PCSK6: variants seen among roughly 807,000 people sequenced by gnomAD.
PCSK6 encodes proprotein convertase subtilisin/kexin type 6.
PCSK6 carries 85 observed loss-of-function variants against 123.3 expected under a neutral mutation model. That is an observed-to-expected ratio of 0.69 (90% CI 0.58 to 0.83). The LOEUF is 0.83. Ranked by LOEUF, PCSK6 falls within the 40% of genes least tolerant of loss-of-function variation. PCSK6 has a pLI of 0.00. For missense variants in PCSK6, 1,191 were observed against 1,282.3 expected, an observed-to-expected ratio of 0.93 and a Z score of 1.09; for synonymous variants, 508 against 516.0, an observed-to-expected ratio of 0.98 and a Z score of 0.21.
chr15:101,411,380 C>T (rs1314463069), intron 6 of PCSK6, among the ~76,000 whole-genome samples: 2 of 152,112 alleles, frequency 1.3e-5, no homozygotes, highest in East Asian at 1.9e-4. Flanking sequence ...AGCACCAGGA[C>T]GATGCCCTGG....
At chr15:101,383,488 C>T (rs1400868987) in intron 10 of PCSK6, among the ~76,000 whole-genome samples, 1 of 151,774 alleles carries the variant, frequency 6.6e-6, no homozygotes, top group Non-Finnish European at 1.5e-5. Flanking sequence ...CTTCAAAGGC[C>T]GCCAACAGCC....
At chr15:101,454,352 G>A (rs933164337) in intron 1 of PCSK6, among the ~76,000 whole-genome samples, 37 of 152,174 alleles carry the variant, frequency 2.4e-4, no homozygotes, top group Non-Finnish European at 1.0e-4. Context: ...TTCCACAAAA[G>A]CCAAGGGGTG....
intron 20 of PCSK6, among the ~76,000 whole-genome samples, chr15:101,311,406 C>T (rs71414398): frequency 0.2 from 29,561 of 151,154 alleles, 2,979 homozygotes; most frequent in African/African-American, 0.24. Flanking sequence ...GGATTACAGG[C>T]GTGAGCCACC....
At chr15:101,348,385 GTCA>G (rs1218917472) in intron 13 of PCSK6, among the ~76,000 whole-genome samples, 1 of 152,220 alleles carries the variant, frequency 6.6e-6, no homozygotes, top group Non-Finnish European at 1.5e-5. Context: ...GGAGTAAAAC[GTCA>G]TCAAAATACA....
intron 6 of PCSK6, among the ~76,000 whole-genome samples, chr15:101,419,743 G>A (rs2141083810): frequency 6.6e-6 from 1 of 151,732 alleles, no homozygotes. Context: ...GCTTATGAAG[G>A]AACTGACTAA....
intron 1 of PCSK6, among the ~76,000 whole-genome samples, chr15:101,476,315 A>G (rs2057729589): frequency 6.6e-6 from 1 of 152,218 alleles, no homozygotes; most frequent in Non-Finnish European, 1.5e-5. Context: ...GTGCAGAGTC[A>G]TGAATAAGGA....
chr15:101,489,476 CG>C lies in PCSK6; in HGVS notation c.194del (p.Pro65ArgfsTer56). ...AGTGGTTGGTGTAGACGGGGCGCGG[CG>C]GGGGCGCGGAGCAGGCGGCAGGCAG... ...LALPAACSAPPPRPVYTNHWA... is the reference protein window; with the variant it reads ...LALPAACSAPXPRPVYTNHWA... On this transcript the variant is annotated frameshift_variant, in exon 1 of 22. Coordinates refer to ENST00000611716, the MANE Select transcript of PCSK6 (RefSeq NM_002570.5). LOFTEE classifies it high-confidence loss of function. 4.6e-6 allele frequency: 5 copies of C among 1,089,786 alleles called. No homozygotes were observed. The highest frequency in any genetic ancestry group is 5.9e-5 in the East Asian group (1 of 16,982). The allele number at this position is 1,089,786 out of a possible 1,614,324, so 67.5% of individuals were successfully genotyped here. A position where few individuals can be genotyped will look rare whatever the true frequency, so the allele number is the denominator to read the frequency against.
chr15:101,355,147 A>C (rs1002392253), intron 13 of PCSK6, among the ~76,000 whole-genome samples: 10 of 152,248 alleles, frequency 6.6e-5, no homozygotes, highest in African/African-American at 2.4e-4. Flanking sequence ...GAAACAGATG[A>C]AAGATCAGAG....
At chr15:101,389,888 C>T (rs1157245641) in intron 8 of PCSK6, among the ~76,000 whole-genome samples, 1 of 152,106 alleles carries the variant, frequency 6.6e-6, no homozygotes, top group Non-Finnish European at 1.5e-5. Flanking sequence ...CAACATGAAA[C>T]CAAGACGCAC....
chr15:101,387,802 G>A (rs1326709825), intron 9 of PCSK6, among the ~76,000 whole-genome samples: 4 of 30,172 alleles, frequency 1.3e-4, no homozygotes, highest in Non-Finnish European at 4.5e-4. Flanking sequence ...AAGGCGGCCT[G>A]GGGCCAACCT....
chr15:101,449,838 G>A (rs1410433293), intron 1 of PCSK6, among the ~76,000 whole-genome samples: 1 of 152,070 alleles, frequency 6.6e-6, no homozygotes, highest in Non-Finnish European at 1.5e-5. Context: ...GTCCTTCCAG[G>A]CTCAGCTCAG....
intron 13 of PCSK6, chr15:101,364,841 T>C (rs2041340947): frequency 5.4e-6 from 3 of 559,008 alleles, no homozygotes; most frequent in African/African-American, 1.8e-5. Context: ...GGACCCAAAA[T>C]AGCCAAAACA....
In PCSK6 at chr15:101,484,575, G is replaced by A. The variant is rs570262927; in HGVS notation, c.297+4799C>T. ...AGCTAATTTTCATATTTTTTTAGTA[G>A]AGACAGGGTTTCACCATGTTGGCCA... On this transcript the variant is annotated intron_variant, in intron 1 of 21. Coordinates refer to ENST00000611716, the MANE Select transcript of PCSK6 (RefSeq NM_002570.5). Among the ~76,000 whole-genome samples the A allele has an allele frequency of 3.3e-5, 5 of 151,990 alleles. No homozygotes were observed. In the South Asian group the frequency reaches 6.2e-4, roughly 19 times the overall value.
intron 6 of PCSK6, among the ~76,000 whole-genome samples, chr15:101,425,577 AAGAT>A (rs1405818312): frequency 3.3e-5 from 5 of 152,202 alleles, no homozygotes; most frequent in Non-Finnish European, 5.9e-5. Context: ...GTATAAATCT[AAGAT>A]AGAGCGTTTC....
At chr15:101,477,433 T>C (rs1016161504) in intron 1 of PCSK6, among the ~76,000 whole-genome samples, 7 of 152,210 alleles carry the variant, frequency 4.6e-5, no homozygotes, top group African/African-American at 9.7e-5. Context: ...TCTAAAATAA[T>C]TGGAACTCCA....
intron 7 of PCSK6, among the ~76,000 whole-genome samples, chr15:101,397,711 G>A (rs1026539049): frequency 8.5e-5 from 13 of 152,204 alleles, no homozygotes; most frequent in African/African-American, 2.9e-4. Flanking sequence ...CACCCTGTTT[G>A]TAAGAACTGG....
At chr15:101,389,343 C>G in intron 9 of PCSK6, 121 bp downstream of exon 9, 1 of 754,016 alleles carries the variant, frequency 1.3e-6, no homozygotes, top group South Asian at 1.5e-5. Flanking sequence ...GCACGACTCA[C>G]TGAATGTGCT....
intron 2 of PCSK6, among the ~76,000 whole-genome samples, chr15:101,436,182 C>G (rs2056595149): frequency 6.6e-6 from 1 of 152,176 alleles, no homozygotes; most frequent in African/African-American, 2.4e-5. Context: ...CTCAGGAAGG[C>G]CCCTAGAAGT....
chr15:101,431,229 A>G, intron 4 of PCSK6, 91 bp downstream of exon 4: 1 of 1,317,282 alleles, frequency 7.6e-7, no homozygotes, highest in East Asian at 2.3e-5. Context: ...GGGCTGGGGG[A>G]GATCGGGACC....
Sources: gnomAD v4.1 joint callset for allele counts (sites outside exome capture counted in the v4.1 genomes callset) on GRCh38, gnomAD v4.1.1 for gene constraint, MANE v1.5 for transcripts, NCBI Gene and HGNC (gene_info 2026-07-23, HGNC 2026-07-21) for gene names.